Variants in ANKRD12 observed in about 807,000 individuals in gnomAD.
ANKRD12 encodes ankyrin repeat domain 12, also known as ankyrin repeat domain-containing protein 12.
In ANKRD12, 85 loss-of-function variants were observed where a neutral mutation model predicts 183.4. That is an observed-to-expected ratio of 0.46 (90% CI 0.39 to 0.56). ANKRD12 has a LOEUF of 0.56. Among genes scored for constraint, ANKRD12 ranks in the 20% least tolerant of loss-of-function variants. ANKRD12 has a pLI of 0.00. For synonymous variants in ANKRD12, 914 were observed against 800.2 expected, an observed-to-expected ratio of 1.14 and a Z score of -2.40; for missense variants, 2,405 against 2,357.1, an observed-to-expected ratio of 1.02 and a Z score of -0.42.
At chr18:9,222,450 G>A (rs2144757672) in intron 8 of ANKRD12, among the ~76,000 whole-genome samples, 1 of 151,474 alleles carries the variant, frequency 6.6e-6, no homozygotes, top group Middle Eastern at 3.5e-3. Context: ...CATTGTTGCA[G>A]GGAAGGACAA....
At chr18:9,173,017 A>G (rs948611522) in intron 1 of ANKRD12, among the ~76,000 whole-genome samples, 1 of 150,188 alleles carries the variant, frequency 6.7e-6, no homozygotes, top group Non-Finnish European at 1.5e-5. Context: ...TCAGTCTCCT[A>G]AAGTGCTGGG....
Position 9,181,329 on chromosome 18 carries a change from G to A in ANKRD12, c.-51-1053G>A, listed in dbSNP as rs144453603. ...ACAAAAGAAATTTTAAAGCACCAAC[G>A]GGACAGCAGATTTTACTAATACTCT... is the stretch of plus-strand genomic sequence containing the variant. On this transcript the variant is annotated intron_variant, in intron 1 of 12. Transcript: ENST00000262126. 1.5e-4 allele frequency among the ~76,000 whole-genome samples: 23 copies of A among 152,222 alleles called. No homozygotes were observed. In the East Asian group the frequency reaches 4.2e-3, roughly 28 times the overall value.
At chr18:9,176,760 T>C (rs1253530515) in intron 1 of ANKRD12, among the ~76,000 whole-genome samples, 1 of 152,312 alleles carries the variant, frequency 6.6e-6, no homozygotes, top group African/African-American at 2.4e-5. Flanking sequence ...AATAAAATTA[T>C]TTAGAAATAG....
intron 1 of ANKRD12, among the ~76,000 whole-genome samples, chr18:9,169,598 A>G (rs574193185): frequency 4.6e-5 from 7 of 151,970 alleles, no homozygotes; most frequent in East Asian, 3.9e-4. Flanking sequence ...TTTTGAGCCT[A>G]TGTGTTTCTC....
intron 6 of ANKRD12, among the ~76,000 whole-genome samples, chr18:9,214,668 G>GA (rs143133326): frequency 0.074 from 11,210 of 152,090 alleles, 429 homozygotes; most frequent in African/African-American, 0.083. Context: ...GACATTAAAA[G>GA]AAAAAATTGA....
At chr18:9,228,717 C>T (rs1043515553) in intron 8 of ANKRD12, among the ~76,000 whole-genome samples, 5 of 152,030 alleles carry the variant, frequency 3.3e-5, no homozygotes, top group African/African-American at 1.2e-4. Flanking sequence ...GGATATTAGT[C>T]CCTTGTCAGA....
chr18:9,253,073 T>G (rs1322589861), intron 8 of ANKRD12, among the ~76,000 whole-genome samples: 1 of 152,162 alleles, frequency 6.6e-6, no homozygotes, highest in Non-Finnish European at 1.5e-5. Flanking sequence ...TTTTTAAATG[T>G]TTAACAATTA....
intron 8 of ANKRD12, among the ~76,000 whole-genome samples, chr18:9,248,037 G>A (rs568022561): frequency 3.3e-5 from 5 of 152,166 alleles, no homozygotes; most frequent in South Asian, 2.1e-4. Context: ...ATGAGCCCAC[G>A]TCGGCCTCCC....
Position 9,279,794 on chromosome 18 carries a change from G to A in ANKRD12, c.6003+150G>A, listed in dbSNP as rs1481052510. On this transcript the variant is annotated intron_variant, in intron 12 of 12. Transcript: ENST00000262126. Reference sequence around the variant, plus strand: ...ACTGGGCCACAATTGGAAAGATAAAGACCACAAGTCCATTTTAAGGACTAG... The same window carrying A: ...ACTGGGCCACAATTGGAAAGATAAAAACCACAAGTCCATTTTAAGGACTAG... 26 of 546,800 alleles carry A rather than the reference G, an allele frequency of 4.8e-5. No individual in the cohort carries two copies. In the Admixed American group the frequency reaches 9.7e-4, roughly 20 times the overall value. The allele number at this position is 546,800 out of a possible 1,614,324, so 33.9% of individuals were successfully genotyped here.
At chr18:9,207,948 C>T (rs1010227340) in intron 4 of ANKRD12, among the ~76,000 whole-genome samples, 2 of 152,162 alleles carry the variant, frequency 1.3e-5, no homozygotes, top group African/African-American at 2.4e-5. Context: ...ACGCAGGCTG[C>T]GTTGCTAATG....
At chr18:9,150,954 A>G (rs868528984) in intron 1 of ANKRD12, among the ~76,000 whole-genome samples, 2 of 112,890 alleles carry the variant, frequency 1.8e-5, no homozygotes, top group African/African-American at 5.5e-5. Flanking sequence ...CGCCCAGCCA[A>G]TTTTGTGATT....
chr18:9,169,651 C>G (rs2032480684), intron 1 of ANKRD12, among the ~76,000 whole-genome samples: 1 of 152,150 alleles, frequency 6.6e-6, no homozygotes, highest in Non-Finnish European at 1.5e-5. Flanking sequence ...ACTGATAGGT[C>G]TTGACTCTTT....
rs567385765 is a variant in ANKRD12, at chr18:9,278,783, C to CA, written c.5908-754dup. The stretch of plus-strand genomic sequence containing the variant: ...TGGGTAACAGAGAGAGACTCCATCT[C>CA]AAAAAAAAAAAAGAAAATGTGAGTG... On this transcript the variant is annotated intron_variant, in intron 11 of 12. Transcript: ENST00000262126. 4.1e-3 allele frequency among the ~76,000 whole-genome samples: 556 copies of CA among 136,414 alleles called. 1 individual carries two copies. The highest frequency in any genetic ancestry group is 0.022 in the Middle Eastern group (6 of 268). The allele number at this position is 136,414 out of a possible 152,430, so 89.5% of individuals were successfully genotyped here. A position where few individuals can be genotyped will look rare whatever the true frequency, so the allele number is the denominator to read the frequency against.
At position 9,244,888 on chromosome 18, in the gene ANKRD12, T is replaced by C. The variant is rs183383123; in HGVS notation, c.944-9323T>C. 2.4e-3 allele frequency among the ~76,000 whole-genome samples: 359 copies of C among 152,306 alleles called. 2 individuals are homozygous for C. The highest frequency in any genetic ancestry group is 8.2e-3 in the African/African-American group (342 of 41,580). ...TCAGATAAAATCAAGCGTAATACTTTAAGCTATTAAAAATGTTTCTCCTGG... is the reference window on the plus strand; with the variant it reads ...TCAGATAAAATCAAGCGTAATACTTCAAGCTATTAAAAATGTTTCTCCTGG... On this transcript the variant is annotated intron_variant, in intron 8 of 12. Coordinates refer to ENST00000262126, the MANE Select transcript of ANKRD12 (RefSeq NM_015208.5).
At chr18:9,275,924 A>G (rs1181547589) in intron 11 of ANKRD12, among the ~76,000 whole-genome samples, 10 of 152,240 alleles carry the variant, frequency 6.6e-5, no homozygotes, top group Admixed American at 6.5e-4. Flanking sequence ...CCTTACAGGT[A>G]CACATAATTT....
At chr18:9,189,809 T>C (rs1315458205) in intron 2 of ANKRD12, among the ~76,000 whole-genome samples, 2 of 152,216 alleles carry the variant, frequency 1.3e-5, no homozygotes, top group African/African-American at 2.4e-5. Context: ...TTACTGCTCA[T>C]TGACAACATG....
At chr18:9,182,178 C>T (rs72937250) in intron 1 of ANKRD12, among the ~76,000 whole-genome samples, 11,150 of 152,188 alleles carry the variant, frequency 0.073, 422 homozygotes, top group African/African-American at 0.082. Context: ...CTCGAGAATA[C>T]AGGAAGAAAT....
At chr18:9,180,015 T>G (rs927043921) in intron 1 of ANKRD12, among the ~76,000 whole-genome samples, 1 of 152,226 alleles carries the variant, frequency 6.6e-6, no homozygotes, top group South Asian at 2.1e-4. Context: ...TCTGTTCTTA[T>G]ATAATCCTTG....
intron 4 of ANKRD12, among the ~76,000 whole-genome samples, chr18:9,205,351 G>GAAACA (rs1458156051): frequency 6.4e-4 from 98 of 151,984 alleles, no homozygotes; most frequent in Non-Finnish European, 7.8e-4. Context: ...GTGTCTAAGT[G>GAAACA]TCTAGTTTTC....
Sources: allele counts gnomAD v4.1 joint callset (sites outside exome capture counted in the v4.1 genomes callset), GRCh38; gene constraint gnomAD v4.1.1; transcripts MANE v1.5; gene names NCBI Gene and HGNC (gene_info 2026-07-23, HGNC 2026-07-21).